PSD4: variants seen among roughly 807,000 people sequenced by gnomAD.
PSD4 encodes pleckstrin and Sec7 domain containing 4, also known as PH and SEC7 domain-containing protein 4.
Under a neutral mutation model 112.5 loss-of-function variants are expected in PSD4, and 59 were observed. The observed-to-expected ratio is 0.52, with a 90% confidence interval of 0.43 to 0.65. PSD4 has a LOEUF of 0.65. Ranked by LOEUF, PSD4 falls within the 30% of genes least tolerant of loss-of-function variation. The probability of loss-of-function intolerance (pLI) is 0.00; values close to 1 mark genes in which losing one functional copy is unlikely to be tolerated. For synonymous variants in PSD4, 533 were observed against 540.0 expected (o/e 0.99, Z 0.18); for missense variants, 1,267 against 1,352.6 (o/e 0.94, Z 0.99).
chr2:113,195,766 G>A lies in PSD4; in HGVS notation c.2221G>A (p.Ala741Thr). The change falls in exon 11 of 17, where the codon GCC (alanine) becomes ACC (threonine). Residue 741 changes from alanine (A) to threonine (T), a missense_variant. By Grantham distance (58) the Ala-to-Thr change is moderately conservative (BLOSUM62 0). Transcript: ENST00000245796. Reference sequence around the variant, plus strand: ...TATCCGCAGCGAGAAGCTCGAGTGGGCCGTGTGAGTGAGACTCCCTTTCCC... The same window carrying A: ...TATCCGCAGCGAGAAGCTCGAGTGGACCGTGTGAGTGAGACTCCCTTTCCC... ...WSIRSEKLEW[A>T]VDEEDTARPE... 1.2e-6 allele frequency: 2 copies of A among 1,614,130 alleles called. No individual in the cohort carries two copies. The highest frequency in any genetic ancestry group is 1.1e-5 in the South Asian group (1 of 91,084).
At chr2:113,187,878 T>C (rs3791337) in intron 5 of PSD4, among the ~76,000 whole-genome samples, 70,107 of 152,040 alleles carry the variant, frequency 0.46, 16,878 homozygotes, top group East Asian at 0.86. Flanking sequence ...GAACACTACA[T>C]AATGCAGGAG....
At position 113,193,146 on chromosome 2, in the gene PSD4, T is replaced by C. The variant is rs1229475550; in HGVS notation, c.1919+18T>C. The C allele has an allele frequency of 1.2e-6, 2 of 1,611,734 alleles. No homozygotes were observed. The highest frequency in any genetic ancestry group is 3.3e-5 in the Admixed American group (2 of 60,006). On this transcript the variant is annotated intron_variant, in intron 7 of 16. Transcript: ENST00000245796. ...GCCCTCCGGTAATGTCTTTGGGCCC[T>C]CTCTGGGGAGGCTGTGGAGGATGGC...
rs1688787882 is a variant in PSD4, at chr2:113,201,954, C to G, written c.*539C>G. ...GTGAATCAGGGACTCTTGAGAAATT[C>G]CTAACCAGCCTCCTGTGACCCAGGG... On this transcript the variant is annotated 3_prime_UTR_variant, in exon 17 of 17. Coordinates refer to ENST00000245796, the MANE Select transcript of PSD4 (RefSeq NM_012455.3). 1 of 154,726 alleles carries G rather than the reference C, an allele frequency of 6.5e-6. No individual in the cohort carries two copies. The highest frequency in any genetic ancestry group is 2.4e-5 in the African/African-American group (1 of 41,448). The allele number at this position is 154,726 out of a possible 1,614,324, so 9.6% of individuals were successfully genotyped here.
intron 5 of PSD4, among the ~76,000 whole-genome samples, chr2:113,191,383 C>A (rs910565140): frequency 6.6e-6 from 1 of 152,176 alleles, no homozygotes; most frequent in African/African-American, 2.4e-5. Flanking sequence ...TCAAGTGATT[C>A]TCCTGCCTTA....
chr2:113,197,578 C>T lies in PSD4; in HGVS notation c.2401C>T (p.Arg801Cys), dbSNP rs1313226455. 1.2e-6 allele frequency: 2 copies of T among 1,614,052 alleles called. No individual in the cohort carries two copies. Among genetic ancestry groups the T allele is most frequent in the African/African-American group, 1.3e-5 (1 of 74,926 alleles). ...ADGKKTPWGK[R>C]GWKMFHTLLR... The stretch of plus-strand genomic sequence containing the variant: ...TCCTGGAACAGCGCCATGGGGCAAG[C>T]GTGGCTGGAAGATGTTCCACACCTT... The change falls in exon 13 of 17, where the codon CGT becomes TGT. Residue 801 changes from arginine to cysteine, a missense_variant. Physicochemically the swap from Arg to Cys is radical, Grantham distance 180 (BLOSUM62 -3). This residue lies in a region of PSD4 where 544 missense variants were observed against 648.6 expected (regional missense o/e 0.84). Transcript: ENST00000245796.
Position 113,183,361 on chromosome 2 carries a change from G to A in PSD4, c.905G>A (p.Ser302Asn), listed in dbSNP as rs1251659054. ...GACACAGTGCTGTGGGAGCTGGAAA[G>A]TGAGCCAGATTTGGGGGACGGCGCT... The part of the protein sequence containing the change: ...PEDTVLWELE[S>N]EPDLGDGAAI... The change falls in exon 2 of 17, where the codon AGT becomes AAT. Residue 302 changes from serine (S) to asparagine (N), a missense_variant. Physicochemically the swap from Ser to Asn is conservative, Grantham distance 46. This residue lies in a region of PSD4 where 723 missense variants were observed against 704.0 expected (regional missense o/e 1.03). Coordinates refer to ENST00000245796, the MANE Select transcript of PSD4 (RefSeq NM_012455.3). 1 of 1,587,104 alleles carries A rather than the reference G, an allele frequency of 6.3e-7. No homozygotes were observed. The highest frequency in any genetic ancestry group is 1.8e-5 in the Admixed American group (1 of 56,816).
chr2:113,187,909 G>GA (rs1688342920), intron 5 of PSD4, among the ~76,000 whole-genome samples: 1 of 152,148 alleles, frequency 6.6e-6, no homozygotes, highest in African/African-American at 2.4e-5. Flanking sequence ...GAAGCTAACA[G>GA]AAAAGTGTAA....
chr2:113,192,663 C>T, intron 6 of PSD4, 74 bp downstream of exon 6: 3 of 1,475,330 alleles, frequency 2.0e-6, no homozygotes, highest in Admixed American at 3.7e-5. Context: ...GCTCCCTCCA[C>T]TGGCCACCCT....
At chr2:113,198,994 C>G (rs771154849) in intron 15 of PSD4, 89 bp from the exon 16 acceptor site, 1 of 1,520,368 alleles carries the variant, frequency 6.6e-7, no homozygotes, top group Admixed American at 2.0e-5. Context: ...GCCTGGGAAC[C>G]GAGGCGGCCA....
Position 113,182,485 on chromosome 2 carries a change from A to T in PSD4, c.29A>T (p.His10Leu), listed in dbSNP as rs150242804. The T allele has an allele frequency of 6.2e-7, 1 of 1,612,366 alleles. No homozygotes were observed. The highest frequency in any genetic ancestry group is 1.7e-5 in the Admixed American group (1 of 59,856). ...ATGGGTGACTACAGACTCCCTGACC[A>T]CCCCCAGCCCATGGAAATTCTCAAC... MMGDYRLPD[H>L]PQPMEILNLY... The change falls in exon 2 of 17, where the codon CAC becomes CTC. Residue 10 changes from histidine (H) to leucine (L), a missense_variant. Physicochemically the swap from His to Leu is moderately conservative, Grantham distance 99. Around this residue, in one of 2 missense-constraint regions of PSD4, gnomAD observed 723 missense variants for 704.0 expected, o/e 1.03. Coordinates refer to ENST00000245796, the MANE Select transcript of PSD4 (RefSeq NM_012455.3).
intron 16 of PSD4, among the ~76,000 whole-genome samples, chr2:113,200,214 A>G (rs1349587535): frequency 1.3e-5 from 2 of 152,010 alleles, no homozygotes; most frequent in Non-Finnish European, 2.9e-5. Flanking sequence ...ACACTCCCCA[A>G]TTCTGCTTTG....
chr2:113,196,025 TGGG>T (rs1295089406), intron 11 of PSD4, 119 bp from the exon 12 acceptor site: 2 of 1,278,388 alleles, frequency 1.6e-6, no homozygotes, highest in Non-Finnish European at 2.2e-6. Context: ...GGACTCCTTG[TGGG>T]GGGTCCTGGG....
intron 1 of PSD4, among the ~76,000 whole-genome samples, chr2:113,179,917 G>A (rs1688083648): frequency 1.3e-5 from 2 of 152,340 alleles, no homozygotes; most frequent in Admixed American, 1.3e-4. Context: ...GTGTCATCCA[G>A]CAAGTCTAGA....
Position 113,208,422 on chromosome 2 carries a change from C to A in PSD4, c.*7007C>A, listed in dbSNP as rs1688895446. The A allele has an allele frequency of 6.6e-6, 1 of 152,200 alleles. No homozygotes were observed. Among genetic ancestry groups the A allele is most frequent in the Non-Finnish European group, 1.5e-5 (1 of 68,042 alleles). The allele number at this position is 152,200 out of a possible 1,614,324, so 9.4% of individuals were successfully genotyped here. ...AGGTGTTACTATATTACCTGTAAGA[C>A]CACACTCGGTGTCATCTCCTGCAAA... On this transcript the variant is annotated 3_prime_UTR_variant, in exon 17 of 17. Coordinates refer to ENST00000245796, the MANE Select transcript of PSD4 (RefSeq NM_012455.3).
intron 5 of PSD4, among the ~76,000 whole-genome samples, chr2:113,189,099 C>T (rs927538548): frequency 2.6e-5 from 4 of 152,070 alleles, no homozygotes; most frequent in African/African-American, 9.7e-5. Context: ...TCCACTGTGT[C>T]ATTCTTATGC....
rs1201539748 is a variant in PSD4, at chr2:113,193,342, T to C, written c.2004T>C (p.His668=). 2 of 1,604,946 alleles carry C rather than the reference T, an allele frequency of 1.2e-6. No homozygotes were observed. The highest frequency in any genetic ancestry group is 1.7e-6 in the Non-Finnish European group (2 of 1,177,354). The change falls in exon 8 of 17, where the codon CAT becomes CAC. Residue 668 remains histidine, a synonymous_variant. Transcript: ENST00000245796. ...ACCAGTTCTCCAGACGCTTCCACCA[T>C]TGCAATCCGGGGATCTTCCCCTCAG... is the stretch of plus-strand genomic sequence containing the variant. ...ILYQFSRRFH[H]CNPGIFPSVD...
At position 113,193,308 on chromosome 2, in the gene PSD4, G is replaced by A. The variant is rs982149114; in HGVS notation, c.1970G>A (p.Arg657Gln). 1.3e-6 allele frequency: 2 copies of A among 1,597,834 alleles called. No individual in the cohort carries two copies. Among genetic ancestry groups the A allele is most frequent in the Admixed American group, 1.8e-5 (1 of 54,416 alleles). The part of the protein sequence containing the change: ...VLSGETQERE[R>Q]ILYQFSRRFH... Reference sequence around the variant, plus strand: ...AGTGGGGAGACTCAGGAACGGGAGCGAATCCTCTACCAGTTCTCCAGACGC... The same window carrying A: ...AGTGGGGAGACTCAGGAACGGGAGCAAATCCTCTACCAGTTCTCCAGACGC... The change falls in exon 8 of 17, where the codon CGA becomes CAA. Residue 657 changes from arginine to glutamine, a missense_variant. By Grantham distance (43) the Arg-to-Gln change is conservative (BLOSUM62 1). This residue lies in a region of PSD4 where 544 missense variants were observed against 648.6 expected (regional missense o/e 0.84). Transcript: ENST00000245796.
rs995573233 is a variant in PSD4, at chr2:113,182,855, G to T, written c.399G>T (p.Gly133=). ...ACAGGCAGAACACAGCATCACCAGGGTCACCAGTGAACAGCCATCTACCGG... is the reference window on the plus strand; with the variant it reads ...ACAGGCAGAACACAGCATCACCAGGTTCACCAGTGAACAGCCATCTACCGG... ...REHRQNTASP[G]SPVNSHLPGS... is the part of the protein sequence containing the mutation. The change falls in exon 2 of 17, where the codon GGG becomes GGT. Residue 133 remains glycine, a synonymous_variant. Coordinates refer to ENST00000245796, the MANE Select transcript of PSD4 (RefSeq NM_012455.3). The T allele has an allele frequency of 6.8e-6, 11 of 1,613,922 alleles. No homozygotes were observed. Among genetic ancestry groups the T allele is most frequent in the Non-Finnish European group, 9.3e-6 (11 of 1,179,948 alleles).
At chr2:113,186,777 C>G (rs999483111) in intron 5 of PSD4, among the ~76,000 whole-genome samples, 14 of 152,134 alleles carry the variant, frequency 9.2e-5, no homozygotes, top group Non-Finnish European at 1.2e-4. Context: ...TCTTGGGGCC[C>G]AACATAGGAT....
Sources: gnomAD v4.1 joint callset for allele counts (sites outside exome capture counted in the v4.1 genomes callset) on GRCh38, gnomAD v4.1.1 for gene constraint, gnomAD v4.1.1 regional missense constraint, MANE v1.5 for transcripts, NCBI Gene and HGNC (gene_info 2026-07-23, HGNC 2026-07-21) for gene names.